The following DIP2C variants were observed in gnomAD, a reference collection of about 807,000 sequenced individuals.
DIP2C encodes the protein disco-interacting protein 2 homolog C.
In DIP2C, 33 loss-of-function variants were observed where a neutral mutation model predicts 192.4. The observed-to-expected ratio is 0.17, with a 90% CI of 0.13 to 0.23. The LOEUF (loss-of-function observed/expected upper bound fraction) is 0.23. Ranked by LOEUF, DIP2C falls within the 10% of genes least tolerant of loss-of-function variation. The probability of loss-of-function intolerance (pLI) is 1.00; values close to 1 mark genes in which losing one functional copy is unlikely to be tolerated. For synonymous variants in DIP2C, 979 were observed against 864.1 expected (o/e 1.13, Z -2.33); for missense variants, 1,537 against 2,110.1 (o/e 0.73, Z 5.32).
intron 9 of DIP2C, among the ~76,000 whole-genome samples, chr10:407,569 T>TC (rs1322607565): frequency 3.3e-5 from 5 of 152,122 alleles, no homozygotes; most frequent in Non-Finnish European, 7.3e-5. Flanking sequence ...GGTTCCGACT[T>TC]CCCCACATCC....
At chr10:558,605 G>T (rs12255632) in intron 1 of DIP2C, among the ~76,000 whole-genome samples, 1 of 151,908 alleles carries the variant, frequency 6.6e-6, no homozygotes. Flanking sequence ...ATCGCGTCTC[G>T]GGGAAAGGCA....
rs560498320 is a variant in DIP2C, at chr10:349,261, T to C, written c.3109+70A>G. 5 of 1,559,458 alleles carry C rather than the reference T, an allele frequency of 3.2e-6. No individual in the cohort carries two copies. The African/African-American group carries it at 5.4e-5, about 17-fold the overall frequency. On this transcript the variant is annotated intron_variant, in intron 25 of 36. Coordinates refer to ENST00000280886, the MANE Select transcript of DIP2C (RefSeq NM_014974.3). ...CCCTCGGCTCAGGCACCAGCGGGTG[T>C]AAGGGACCTCCTCGCACCGCGGCTG...
In DIP2C at chr10:626,402, TGGTGTTACCCTCCATCCCCCATCCTC is replaced by T. The variant is rs1290180123; in HGVS notation, c.85+63066_85+63091del. Among the ~76,000 whole-genome samples the T allele has an allele frequency of 9.8e-3, 1,443 of 147,270 alleles. 30 individuals are homozygous for T. The highest frequency in any genetic ancestry group is 0.036 in the African/African-American group (1,367 of 37,498). On this transcript the variant is annotated intron_variant, in intron 1 of 36. Coordinates refer to ENST00000280886, the MANE Select transcript of DIP2C (RefSeq NM_014974.3). ...CATCCCCCAAAGGCACCTGGAGAAGTGGTGTTACCCTCCATCCCCCATCCTCGGTGTTACCCTCCGTCCCCCCGTCC... is the reference window on the plus strand; with the variant it reads ...CATCCCCCAAAGGCACCTGGAGAAGTGGTGTTACCCTCCGTCCCCCCGTCC...
intron 1 of DIP2C, among the ~76,000 whole-genome samples, chr10:590,686 C>T (rs375925152): frequency 5.3e-5 from 8 of 152,186 alleles, no homozygotes; most frequent in African/African-American, 9.7e-5. Flanking sequence ...ACAAGTTAGA[C>T]GGGTTTTTAC....
At chr10:555,792 G>A (rs933447869) in intron 1 of DIP2C, among the ~76,000 whole-genome samples, 2 of 152,062 alleles carry the variant, frequency 1.3e-5, no homozygotes, top group African/African-American at 2.4e-5. Context: ...GCAAGGTCAC[G>A]CAGGATGCCA....
intron 31 of DIP2C, among the ~76,000 whole-genome samples, chr10:311,836 GA>G (rs1471313791): frequency 6.6e-6 from 1 of 152,224 alleles, no homozygotes; most frequent in East Asian, 1.9e-4. Context: ...AGCAACAGAA[GA>G]GGGTGTAGCA....
At chr10:313,880 G>T (rs184380623) in intron 31 of DIP2C, among the ~76,000 whole-genome samples, 10 of 152,284 alleles carry the variant, frequency 6.6e-5, no homozygotes, top group African/African-American at 2.4e-4. Flanking sequence ...ACTAATTTTA[G>T]CATTTAAGCT....
chr10:404,951 T>A (rs539998151), intron 9 of DIP2C, among the ~76,000 whole-genome samples: 47 of 152,324 alleles, frequency 3.1e-4, no homozygotes, highest in Middle Eastern at 3.4e-3. Context: ...CAGTATTCAG[T>A]TAAATGTTTG....
chr10:535,697 T>G (rs1847657306), intron 1 of DIP2C, among the ~76,000 whole-genome samples: 2 of 152,126 alleles, frequency 1.3e-5, no homozygotes, highest in Admixed American at 6.5e-5. Context: ...AGTCTGATCA[T>G]AAAAACTGTA....
intron 1 of DIP2C, among the ~76,000 whole-genome samples, chr10:567,281 C>CA (rs1849516290): frequency 6.6e-6 from 1 of 152,162 alleles, no homozygotes. Context: ...CTCTACCTCC[C>CA]AGATTCAAGC....
At chr10:635,761 C>T (rs981596923) in intron 1 of DIP2C, among the ~76,000 whole-genome samples, 3 of 152,166 alleles carry the variant, frequency 2.0e-5, no homozygotes, top group African/African-American at 7.2e-5. Flanking sequence ...ACCTCGAGGC[C>T]CTGCAGTCAG....
At chr10:448,461 C>G (rs1186078962) in intron 3 of DIP2C, among the ~76,000 whole-genome samples, 1 of 120,230 alleles carries the variant, frequency 8.3e-6, no homozygotes, top group Non-Finnish European at 1.6e-5. Flanking sequence ...GCAGGACCCA[C>G]TCATCCCCGT....
chr10:594,635 A>G (rs1051063026), intron 1 of DIP2C, among the ~76,000 whole-genome samples: 2 of 151,212 alleles, frequency 1.3e-5, no homozygotes, highest in Admixed American at 1.3e-4. Flanking sequence ...ACTGGAGGGC[A>G]CGTGGTGCTT....
chr10:526,866 C>T (rs1358408591), intron 1 of DIP2C, among the ~76,000 whole-genome samples: 1 of 152,212 alleles, frequency 6.6e-6, no homozygotes, highest in Admixed American at 6.5e-5. Flanking sequence ...CCTGCCAGTC[C>T]CCGGCAGAGT....
intron 1 of DIP2C, among the ~76,000 whole-genome samples, chr10:552,250 C>T (rs937308988): frequency 6.6e-6 from 1 of 152,210 alleles, no homozygotes; most frequent in African/African-American, 2.4e-5. Context: ...AGTAGCAAGA[C>T]ATTTTCTATA....
intron 18 of DIP2C, among the ~76,000 whole-genome samples, chr10:367,416 G>GAA (rs1194728801): frequency 4.3e-4 from 47 of 109,256 alleles, no homozygotes; most frequent in African/African-American, 9.5e-4. Context: ...CTCCGTCTCA[G>GAA]AAAAAAAAAA....
chr10:373,930 C>A (rs1961274257), intron 17 of DIP2C, among the ~76,000 whole-genome samples: 1 of 152,226 alleles, frequency 6.6e-6, no homozygotes, highest in African/African-American at 2.4e-5. Context: ...CCTTCGCAGC[C>A]TCCATACTCG....
chr10:650,189 G>A (rs529129430), intron 1 of DIP2C: 5 of 717,356 alleles, frequency 7.0e-6, no homozygotes, highest in Non-Finnish European at 1.3e-5. Flanking sequence ...GTCCTGCGGG[G>A]TGGGTGGTGC....
chr10:605,947 G>A (rs1852428510), intron 1 of DIP2C, among the ~76,000 whole-genome samples: 1 of 152,302 alleles, frequency 6.6e-6, no homozygotes, highest in South Asian at 2.1e-4. Flanking sequence ...ATCCTGCTGG[G>A]CCCATCTGAA....
Sources: gnomAD v4.1 joint callset for allele counts (sites outside exome capture counted in the v4.1 genomes callset) on GRCh38, gnomAD v4.1.1 for gene constraint, MANE v1.5 for transcripts, NCBI Gene and HGNC (gene_info 2026-07-23, HGNC 2026-07-21) for gene names.